The following CNTNAP2 variants were observed in gnomAD, a reference collection of about 807,000 sequenced individuals.
The protein encoded by CNTNAP2 is contactin-associated protein-like 2.
Under a neutral mutation model 155.2 loss-of-function variants are expected in CNTNAP2, and 98 were observed. That is an observed-to-expected ratio of 0.63 (90% CI 0.54 to 0.75). The LOEUF (loss-of-function observed/expected upper bound fraction) is 0.75, where lower values mean the gene tolerates loss of function less well. Ranked by LOEUF, CNTNAP2 falls within the 30% of genes least tolerant of loss-of-function variation. The probability of loss-of-function intolerance (pLI) is 0.00; values close to 1 mark genes in which losing one functional copy is unlikely to be tolerated. For missense variants in CNTNAP2, 1,727 were observed against 1,688.1 expected, an observed-to-expected ratio of 1.02 and a Z score of -0.40; for synonymous variants, 651 against 631.2, an observed-to-expected ratio of 1.03 and a Z score of -0.47.
At chr7:147,590,072 T>C (rs554715871) in intron 12 of CNTNAP2, among the ~76,000 whole-genome samples, 22 of 152,308 alleles carry the variant, frequency 1.4e-4, no homozygotes, top group African/African-American at 5.3e-4. Context: ...GTTTCATAAA[T>C]TTTCACAGTA....
intron 5 of CNTNAP2, 56 bp downstream of exon 5, chr7:147,108,406 A>G: frequency 7.1e-7 from 1 of 1,404,934 alleles, no homozygotes; most frequent in East Asian, 2.3e-5. Context: ...CATTAGGAAT[A>G]TGTTCATGTT....
At chr7:148,291,406 G>A (rs571415143) in intron 21 of CNTNAP2, among the ~76,000 whole-genome samples, 2 of 152,088 alleles carry the variant, frequency 1.3e-5, no homozygotes, top group South Asian at 2.1e-4. Context: ...GAGACAGTCC[G>A]AGTTCCAAAA....
chr7:148,008,779 A>G (rs80053118), intron 15 of CNTNAP2, among the ~76,000 whole-genome samples: 1 of 152,210 alleles, frequency 6.6e-6, no homozygotes, highest in Non-Finnish European at 1.5e-5. Flanking sequence ...CTATAACTCC[A>G]TTTACATTCA....
chr7:146,648,095 G>C (rs1245334342), intron 1 of CNTNAP2, among the ~76,000 whole-genome samples: 1 of 152,136 alleles, frequency 6.6e-6, no homozygotes, highest in Non-Finnish European at 1.5e-5. Flanking sequence ...CCGTATCACA[G>C]GTTGGACAAA....
At chr7:148,381,566 G>A (rs1459865532) in intron 21 of CNTNAP2, 1 of 152,212 alleles carries the variant, frequency 6.6e-6, no homozygotes, top group Admixed American at 6.5e-5. Context: ...AGTCACCAAC[G>A]TCCAGCTGCT....
chr7:148,078,780 C>T (rs1033176271), intron 15 of CNTNAP2, among the ~76,000 whole-genome samples: 1 of 152,028 alleles, frequency 6.6e-6, no homozygotes, highest in African/African-American at 2.4e-5. Flanking sequence ...CATGCCCAGC[C>T]TGAGAATAGA....
intron 3 of CNTNAP2, among the ~76,000 whole-genome samples, chr7:146,948,900 G>C (rs560254593): frequency 6.6e-6 from 1 of 152,240 alleles, no homozygotes; most frequent in Non-Finnish European, 1.5e-5. Context: ...ATGCTGTATA[G>C]ACTGGCAGGT....
At chr7:146,252,887 A>G (rs987167191) in intron 1 of CNTNAP2, among the ~76,000 whole-genome samples, 5 of 110,844 alleles carry the variant, frequency 4.5e-5, no homozygotes, top group Non-Finnish European at 8.1e-5. Flanking sequence ...CCTCATCGTA[A>G]TGATAATAAT....
intron 9 of CNTNAP2, among the ~76,000 whole-genome samples, chr7:147,307,615 C>A (rs1370782026): frequency 6.6e-6 from 1 of 152,038 alleles, no homozygotes. Flanking sequence ...GAAATGCCAT[C>A]AATTAAATAT....
chr7:146,485,591 A>G (rs1036696844), intron 1 of CNTNAP2, among the ~76,000 whole-genome samples: 1 of 152,188 alleles, frequency 6.6e-6, no homozygotes, highest in Non-Finnish European at 1.5e-5. Flanking sequence ...CAATTCCCAG[A>G]TAACTTTTCA....
At chr7:148,189,184 CT>C (rs941360441) in intron 18 of CNTNAP2, among the ~76,000 whole-genome samples, 5 of 151,978 alleles carry the variant, frequency 3.3e-5, no homozygotes, top group East Asian at 1.9e-4. Flanking sequence ...CAATGTTTTT[CT>C]TTTTTTTATT....
intron 1 of CNTNAP2, among the ~76,000 whole-genome samples, chr7:146,172,313 T>C (rs907733873): frequency 6.6e-6 from 1 of 152,060 alleles, no homozygotes; most frequent in African/African-American, 2.4e-5. Context: ...TGACATCTAG[T>C]GGGTGGAGGC....
At chr7:147,868,243 A>G (rs778736582) in intron 13 of CNTNAP2, among the ~76,000 whole-genome samples, 8 of 151,984 alleles carry the variant, frequency 5.3e-5, no homozygotes, top group Non-Finnish European at 2.9e-5. Flanking sequence ...CTGGTGGTCC[A>G]CTCCAGACCC....
intron 21 of CNTNAP2, among the ~76,000 whole-genome samples, chr7:148,364,825 A>G (rs1394145570): frequency 7.9e-5 from 12 of 152,190 alleles, no homozygotes; most frequent in Admixed American, 7.9e-4. Context: ...GTCCTCTTCC[A>G]CACTTTGGAA....
intron 15 of CNTNAP2, among the ~76,000 whole-genome samples, chr7:148,031,114 A>G (rs1802469185): frequency 6.6e-6 from 1 of 152,144 alleles, no homozygotes; most frequent in African/African-American, 2.4e-5. Flanking sequence ...GGCCATCTGC[A>G]TTTCCTAATT....
chr7:147,064,148 G>A (rs554128146), intron 4 of CNTNAP2, among the ~76,000 whole-genome samples: 1 of 152,202 alleles, frequency 6.6e-6, no homozygotes, highest in South Asian at 2.1e-4. Context: ...GTATTAAAAG[G>A]CTGACTTACC....
chr7:146,301,777 G>T (rs1800615179), intron 1 of CNTNAP2, among the ~76,000 whole-genome samples: 1 of 152,118 alleles, frequency 6.6e-6, no homozygotes, highest in Admixed American at 6.5e-5. Flanking sequence ...TTTCTGGAAG[G>T]AGCAAACATA....
At chr7:147,104,980 T>C (rs928424636) in intron 4 of CNTNAP2, among the ~76,000 whole-genome samples, 3 of 148,978 alleles carry the variant, frequency 2.0e-5, no homozygotes, top group South Asian at 2.1e-4. Flanking sequence ...ATGTAGGATA[T>C]GCACCAGTTA....
chr7:146,418,907 A>T (rs1795973068), intron 1 of CNTNAP2, among the ~76,000 whole-genome samples: 2 of 152,080 alleles, frequency 1.3e-5, no homozygotes, highest in South Asian at 2.1e-4. Flanking sequence ...AAGGCCTATA[A>T]CTACCAGACA....
Sources: gnomAD v4.1 joint callset for allele counts (sites outside exome capture counted in the v4.1 genomes callset) on GRCh38, gnomAD v4.1.1 for gene constraint, MANE v1.5 for transcripts, NCBI Gene and HGNC (gene_info 2026-07-23, HGNC 2026-07-21) for gene names.